The following DDX10 variants were observed in gnomAD, a reference collection of about 807,000 sequenced individuals.
DDX10 encodes DEAD-box helicase 10.
Under a neutral mutation model 104.3 loss-of-function variants are expected in DDX10, and 74 were observed. The observed-to-expected ratio is 0.71, with a 90% CI of 0.59 to 0.86. DDX10 has a LOEUF of 0.86. DDX10 is among the 40% of genes least tolerant of loss of function. The pLI, the probability that DDX10 is intolerant of heterozygous loss-of-function variation, is 0.00. For missense variants in DDX10, 952 were observed against 1,040.0 expected (o/e 0.92, Z 1.16); for synonymous variants, 351 against 353.4 (o/e 0.99, Z 0.08).
At chr11:108,846,817 ACAAAC>A (rs1046244127) in intron 15 of DDX10, among the ~76,000 whole-genome samples, 2 of 89,614 alleles carry the variant, frequency 2.2e-5, no homozygotes, top group East Asian at 6.1e-4. Flanking sequence ...GGTTTAGAGT[ACAAAC>A]CAGACCAGAC....
chr11:108,774,220 A>G (rs1232197316), intron 13 of DDX10, among the ~76,000 whole-genome samples: 1 of 152,218 alleles, frequency 6.6e-6, no homozygotes, highest in Non-Finnish European at 1.5e-5. Flanking sequence ...GGTTTATTGT[A>G]CCTTGGGAAG....
intron 9 of DDX10, among the ~76,000 whole-genome samples, chr11:108,697,659 G>A (rs1303490924): frequency 6.6e-6 from 1 of 152,090 alleles, no homozygotes; most frequent in Non-Finnish European, 1.5e-5. Context: ...ATCTCCTTTA[G>A]AGATAAGTGA....
At chr11:108,707,703 T>G (rs2094278101) in intron 10 of DDX10, among the ~76,000 whole-genome samples, 1 of 152,218 alleles carries the variant, frequency 6.6e-6, no homozygotes, top group Non-Finnish European at 1.5e-5. Context: ...TATAGGTTAC[T>G]AAATAGAGGG....
intron 13 of DDX10, among the ~76,000 whole-genome samples, chr11:108,830,172 A>G (rs1008947383): frequency 3.3e-5 from 5 of 152,180 alleles, no homozygotes; most frequent in Non-Finnish European, 7.3e-5. Context: ...ATTTAAAAAT[A>G]TTGATTCTAC....
chr11:108,704,294 C>T (rs1298988674), intron 9 of DDX10, among the ~76,000 whole-genome samples: 1 of 152,190 alleles, frequency 6.6e-6, no homozygotes, highest in African/African-American at 2.4e-5. Flanking sequence ...TTCATCTTGC[C>T]ATCTATGAAC....
chr11:108,779,523 CTG>C (rs2094375024), intron 13 of DDX10, among the ~76,000 whole-genome samples: 1 of 150,614 alleles, frequency 6.6e-6, no homozygotes, highest in Non-Finnish European at 1.5e-5. Context: ...ACATCACACA[CTG>C]GGGCCTGCCG....
At chr11:108,771,614 GC>G (rs1411092050) in intron 13 of DDX10, among the ~76,000 whole-genome samples, 1 of 152,162 alleles carries the variant, frequency 6.6e-6, no homozygotes, top group African/African-American at 2.4e-5. Flanking sequence ...CTGTGCAGAA[GC>G]TTTTTAACTT....
intron 13 of DDX10, among the ~76,000 whole-genome samples, chr11:108,819,113 A>G (rs1234362972): frequency 6.6e-6 from 1 of 151,930 alleles, no homozygotes; most frequent in Admixed American, 6.6e-5. Context: ...TTTGTTTTCA[A>G]ATTGCCTTTT....
chr11:108,754,695 C>G (rs967004692), intron 13 of DDX10, among the ~76,000 whole-genome samples: 7 of 151,884 alleles, frequency 4.6e-5, no homozygotes, highest in Non-Finnish European at 2.9e-5. Flanking sequence ...CACTGTACAT[C>G]TAGAATCTAT....
At chr11:108,802,947 T>G (rs1247651400) in intron 13 of DDX10, among the ~76,000 whole-genome samples, 1 of 152,178 alleles carries the variant, frequency 6.6e-6, no homozygotes, top group Non-Finnish European at 1.5e-5. Context: ...TAAAACTAAA[T>G]GTTTGCAGCC....
At chr11:108,720,060 A>G (rs2094296375) in intron 12 of DDX10, among the ~76,000 whole-genome samples, 175 bp downstream of exon 12, 1 of 152,094 alleles carries the variant, frequency 6.6e-6, no homozygotes, top group African/African-American at 2.4e-5. Flanking sequence ...AAGCCACCAC[A>G]CCCGGCCAGA....
At chr11:108,898,345 A>T (rs1444732168) in intron 16 of DDX10, among the ~76,000 whole-genome samples, 1 of 152,170 alleles carries the variant, frequency 6.6e-6, no homozygotes, top group African/African-American at 2.4e-5. Flanking sequence ...TAGGCTGCTT[A>T]ATATGTTACA....
intron 9 of DDX10, among the ~76,000 whole-genome samples, chr11:108,694,141 C>T (rs1026155911): frequency 6.6e-6 from 1 of 152,104 alleles, no homozygotes; most frequent in Non-Finnish European, 1.5e-5. Context: ...CAATTTAAAA[C>T]TTATGAATTG....
At chr11:108,814,391 T>C (rs1033350485) in intron 13 of DDX10, among the ~76,000 whole-genome samples, 3 of 152,220 alleles carry the variant, frequency 2.0e-5, no homozygotes, top group Non-Finnish European at 2.9e-5. Context: ...CTTTAGGTCC[T>C]AAATCAAATG....
chr11:108,790,174 C>T (rs1308827146), intron 13 of DDX10, among the ~76,000 whole-genome samples: 2 of 152,078 alleles, frequency 1.3e-5, no homozygotes, highest in African/African-American at 2.4e-5. Flanking sequence ...AGATGTCCGC[C>T]CTACTCCAGA....
chr11:108,753,097 C>T (rs759824601), intron 13 of DDX10, among the ~76,000 whole-genome samples: 1 of 151,948 alleles, frequency 6.6e-6, no homozygotes, highest in African/African-American at 2.4e-5. Context: ...GTCTTTATTT[C>T]AGAAGGGAGA....
chr11:108,815,431 T>C (rs1862242311), intron 13 of DDX10, among the ~76,000 whole-genome samples: 1 of 152,192 alleles, frequency 6.6e-6, no homozygotes, highest in Non-Finnish European at 1.5e-5. Context: ...GAGAAACTGA[T>C]GTAAGTGAAA....
intron 10 of DDX10, among the ~76,000 whole-genome samples, chr11:108,714,079 A>C (rs537518326): frequency 2.0e-5 from 3 of 152,202 alleles, no homozygotes; most frequent in Non-Finnish European, 4.4e-5. Context: ...GCATATTTCA[A>C]AATGGTTCAT....
In DDX10 at chr11:108,691,861, C is replaced by T; in HGVS notation, c.976-15C>T. On this transcript the variant is annotated splice_polypyrimidine_tract_variant and intron_variant, in intron 7 of 17. Coordinates refer to ENST00000322536, the MANE Select transcript of DDX10 (RefSeq NM_004398.4). ...ATCTGCCATAAGCAAACTTATTCTT[C>T]TGTTGATGCCCCAGGTCCAGTATCT... is the stretch of plus-strand genomic sequence containing the variant. The T allele has an allele frequency of 6.2e-7, 1 of 1,607,046 alleles. No individual in the cohort carries two copies. Among genetic ancestry groups the T allele is most frequent in the Non-Finnish European group, 8.5e-7 (1 of 1,176,850 alleles).
Sources: allele counts gnomAD v4.1 joint callset (sites outside exome capture counted in the v4.1 genomes callset), GRCh38; gene constraint gnomAD v4.1.1; transcripts MANE v1.5; gene names NCBI Gene and HGNC (gene_info 2026-07-23, HGNC 2026-07-21).